The following L3MBTL4 variants were observed in gnomAD, a reference collection of about 807,000 sequenced individuals.
L3MBTL4 encodes L3MBTL histone methyl-lysine binding protein 4.
A neutral mutation model predicts 84.5 loss-of-function variants in L3MBTL4; 70 were observed. The ratio of observed to expected loss-of-function variants is 0.83; its 90% CI spans 0.68 to 1.01. The LOEUF is 1.01. L3MBTL4 is among the 50% of genes least tolerant of loss of function. The probability of loss-of-function intolerance (pLI) is 0.00; values close to 1 mark genes in which losing one functional copy is unlikely to be tolerated. For missense variants in L3MBTL4, 715 were observed against 754.8 expected (o/e 0.95, Z 0.62); for synonymous variants, 274 against 259.8 (o/e 1.05, Z -0.52).
intron 12 of L3MBTL4, among the ~76,000 whole-genome samples, chr18:6,207,497 C>T (rs1251577660): frequency 2.0e-5 from 3 of 152,206 alleles, no homozygotes; most frequent in Admixed American, 2.0e-4. Context: ...TGAGCCAGCT[C>T]TAGTACTGTC....
chr18:6,070,651 TACAAAAAACAAAAA>T (rs201701840), intron 16 of L3MBTL4, among the ~76,000 whole-genome samples: 6 of 151,662 alleles, frequency 4.0e-5, no homozygotes, highest in South Asian at 2.1e-4. Flanking sequence ...ATCCCATCTT[TACAAAAAACAAAAA>T]ACAAAAAACA....
At chr18:6,315,844 T>A (rs923383885) in intron 1 of L3MBTL4, among the ~76,000 whole-genome samples, 4 of 152,340 alleles carry the variant, frequency 2.6e-5, no homozygotes, top group East Asian at 1.9e-4. Flanking sequence ...TCTCATTTTT[T>A]AAAAAATTTT....
intron 13 of L3MBTL4, among the ~76,000 whole-genome samples, chr18:6,153,626 C>T (rs866273247): frequency 1.3e-5 from 2 of 152,068 alleles, no homozygotes; most frequent in Admixed American, 1.3e-4. Context: ...TATGGTTTGG[C>T]TCGGTGTCCC....
chr18:6,032,467 G>A (rs1391180400), intron 16 of L3MBTL4, among the ~76,000 whole-genome samples: 2 of 151,606 alleles, frequency 1.3e-5, no homozygotes, highest in Non-Finnish European at 2.9e-5. Context: ...ACCACGGGTT[G>A]TGATTGTGGG....
intron 16 of L3MBTL4, among the ~76,000 whole-genome samples, chr18:6,009,327 C>T (rs1436274511): frequency 6.6e-6 from 1 of 152,108 alleles, no homozygotes; most frequent in Non-Finnish European, 1.5e-5. Flanking sequence ...GTCTCTGGTC[C>T]TCAGGCAGCA....
intron 10 of L3MBTL4, among the ~76,000 whole-genome samples, chr18:6,236,469 A>G (rs1352809625): frequency 6.6e-6 from 1 of 152,210 alleles, no homozygotes; most frequent in Non-Finnish European, 1.5e-5. Context: ...ACACAACGCC[A>G]AGAGACTTAC....
intron 1 of L3MBTL4, among the ~76,000 whole-genome samples, chr18:6,361,920 A>G (rs1207281022): frequency 6.6e-6 from 1 of 151,956 alleles, no homozygotes; most frequent in African/African-American, 2.4e-5. Context: ...GTTTGAGACC[A>G]GCCTGAGAAA....
rs145584862 is a variant in L3MBTL4 at position 5,985,261 on chromosome 18, G to A, written c.1445-15699C>T. On this transcript the variant is annotated intron_variant, in intron 16 of 18. Transcript: ENST00000317931. ...TAGGGAATCAGTGGGAAACCGGAAG[G>A]CAGATTTTTGTTAAGGCTGACCTGA... Among the ~76,000 whole-genome samples, 418 of 152,302 alleles carry A rather than the reference G, an allele frequency of 2.7e-3. 2 individuals are homozygous for A. Among genetic ancestry groups the A allele is most frequent in the African/African-American group, 9.2e-3 (382 of 41,564 alleles).
At chr18:6,108,473 T>C (rs1196001716) in intron 14 of L3MBTL4, among the ~76,000 whole-genome samples, 1 of 152,200 alleles carries the variant, frequency 6.6e-6, no homozygotes, top group Non-Finnish European at 1.5e-5. Flanking sequence ...GTGTTAGTTA[T>C]ACAATCTATG....
chr18:6,334,629 G>A (rs1045264271), intron 1 of L3MBTL4, among the ~76,000 whole-genome samples: 1 of 152,030 alleles, frequency 6.6e-6, no homozygotes, highest in African/African-American at 2.4e-5. Context: ...CTTACTAGTG[G>A]TCCTTAAAAT....
At chr18:5,981,761 C>CT (rs2053231865) in intron 16 of L3MBTL4, among the ~76,000 whole-genome samples, 1 of 151,890 alleles carries the variant, frequency 6.6e-6, no homozygotes, top group Non-Finnish European at 1.5e-5. Flanking sequence ...GATTGTGCCA[C>CT]TGTACTCCAG....
At chr18:6,215,922 C>A in intron 10 of L3MBTL4, 87 bp from the exon 11 acceptor site, 1 of 671,180 alleles carries the variant, frequency 1.5e-6, no homozygotes, top group Non-Finnish European at 2.4e-6. Flanking sequence ...GATATGACAC[C>A]TAATGTTAAT....
chr18:6,013,553 G>T (rs2054830051), intron 16 of L3MBTL4, among the ~76,000 whole-genome samples: 1 of 152,164 alleles, frequency 6.6e-6, no homozygotes, highest in Non-Finnish European at 1.5e-5. Context: ...ACCCTTGGCA[G>T]CCCTAGCCCC....
At chr18:6,029,397 A>T (rs2145584857) in intron 16 of L3MBTL4, 1 of 865,054 alleles carries the variant, frequency 1.2e-6, no homozygotes, top group East Asian at 1.2e-4. Flanking sequence ...TTTGTAGGTG[A>T]CATGTTTATT....
intron 13 of L3MBTL4, among the ~76,000 whole-genome samples, chr18:6,153,835 C>T (rs758180545): frequency 5.3e-5 from 8 of 152,120 alleles, no homozygotes; most frequent in Non-Finnish European, 1.2e-4. Context: ...GCCTGCTTCC[C>T]CTTCTGCCAT....
intron 15 of L3MBTL4, among the ~76,000 whole-genome samples, chr18:6,081,799 T>C (rs1335875837): frequency 1.3e-5 from 2 of 152,324 alleles, no homozygotes; most frequent in East Asian, 1.9e-4. Flanking sequence ...GAATTTGAGA[T>C]AATTGTATCT....
intron 1 of L3MBTL4, among the ~76,000 whole-genome samples, chr18:6,361,460 G>T (rs561709260): frequency 3.5e-4 from 53 of 152,272 alleles, no homozygotes; most frequent in Admixed American, 8.5e-4. Flanking sequence ...AGATCCAGGG[G>T]TGGCCTCCAG....
At chr18:6,256,089 T>C (rs1158058856) in intron 5 of L3MBTL4, among the ~76,000 whole-genome samples, 1 of 152,210 alleles carries the variant, frequency 6.6e-6, no homozygotes, top group Admixed American at 6.5e-5. Context: ...CTTCTGGGTA[T>C]CTCAAAGTTT....
intron 4 of L3MBTL4, among the ~76,000 whole-genome samples, chr18:6,266,814 T>G (rs548157199): frequency 6.6e-6 from 1 of 152,014 alleles, no homozygotes; most frequent in Admixed American, 6.6e-5. Flanking sequence ...TCCCAGCTAC[T>G]TGGGAGGCTG....
Sources: gnomAD v4.1 joint callset for allele counts (sites outside exome capture counted in the v4.1 genomes callset) on GRCh38, gnomAD v4.1.1 for gene constraint, MANE v1.5 for transcripts, NCBI Gene and HGNC (gene_info 2026-07-23, HGNC 2026-07-21) for gene names.